The following THSD4 variants were observed in gnomAD, a reference collection of about 807,000 sequenced individuals.
THSD4 encodes the protein thrombospondin type-1 domain-containing protein 4.
THSD4 carries 69 observed loss-of-function variants against 119.0 expected under a neutral mutation model. The ratio of observed to expected loss-of-function variants is 0.58; its 90% CI spans 0.48 to 0.71. The LOEUF is 0.71. Ranked by LOEUF, THSD4 falls within the 30% of genes least tolerant of loss-of-function variation. The pLI is 0.00. For missense variants in THSD4, 1,393 were observed against 1,391.1 expected, an observed-to-expected ratio of 1.00 and a Z score of -0.02; for synonymous variants, 524 against 540.4, an observed-to-expected ratio of 0.97 and a Z score of 0.42.
At chr15:71,140,672 T>C (rs2040594268) in intron 1 of THSD4, among the ~76,000 whole-genome samples, 1 of 152,084 alleles carries the variant, frequency 6.6e-6, no homozygotes, top group South Asian at 2.1e-4. Context: ...CCTGCAGGAG[T>C]TCTTTAGACA....
chr15:71,682,888 C>G (rs755127465), intron 8 of THSD4, among the ~76,000 whole-genome samples: 1 of 7,872 alleles, frequency 1.3e-4, no homozygotes, highest in Non-Finnish European at 3.3e-4. Flanking sequence ...TTCTTTCTTT[C>G]TTTCTTTCTT....
Position 71,720,780 on chromosome 15 carries a change from C to G in THSD4, c.1358-7769C>G, listed in dbSNP as rs16953738. Among the ~76,000 whole-genome samples, 1,187 of 152,334 alleles carry G rather than the reference C, an allele frequency of 7.8e-3. 25 individuals are homozygous for G. The highest frequency in any genetic ancestry group is 0.04 in the Admixed American group (614 of 15,300). On this transcript the variant is annotated intron_variant, in intron 8 of 17. Transcript: ENST00000261862. Reference sequence around the variant, plus strand: ...CTTCTGACCTCCAGCTGGCATTGTACTGGTGGCCAATGATGTCTGACACTT... The same window carrying G: ...CTTCTGACCTCCAGCTGGCATTGTAGTGGTGGCCAATGATGTCTGACACTT...
Position 71,152,878 on chromosome 15 carries a change from T to C in THSD4, c.30-1985T>C, listed in dbSNP as rs117085993. ...ACCCCCAGCTCCCGTACTCCATGGG[T>C]ATAAGCTGTACATTTACTTTCTAGG... On this transcript the variant is annotated intron_variant, in intron 2 of 17. Coordinates refer to ENST00000261862, the MANE Select transcript of THSD4 (RefSeq NM_024817.3). 9.1e-3 allele frequency among the ~76,000 whole-genome samples: 1,379 copies of C among 152,242 alleles called. 9 individuals carry two copies. Among genetic ancestry groups the C allele is most frequent in the Middle Eastern group, 0.027 (8 of 294 alleles).
intron 7 of THSD4, among the ~76,000 whole-genome samples, chr15:71,574,588 G>A (rs2049414674): frequency 6.6e-6 from 1 of 152,066 alleles, no homozygotes; most frequent in South Asian, 2.1e-4. Flanking sequence ...ATGAAGGTGG[G>A]CATTAGGATG....
chr15:71,493,968 C>T (rs1433139842), intron 7 of THSD4, among the ~76,000 whole-genome samples: 2 of 152,166 alleles, frequency 1.3e-5, no homozygotes, highest in South Asian at 2.1e-4. Flanking sequence ...CACTAATGAG[C>T]GCATGGTTGT....
chr15:71,127,733 A>T (rs536310640), intron 1 of THSD4, among the ~76,000 whole-genome samples: 74 of 152,280 alleles, frequency 4.9e-4, no homozygotes, highest in African/African-American at 1.8e-3. Flanking sequence ...ATGTCTATTC[A>T]GGTCCTCTGC....
intron 7 of THSD4, among the ~76,000 whole-genome samples, chr15:71,506,954 A>C (rs1425588357): frequency 2.6e-5 from 4 of 152,228 alleles, no homozygotes; most frequent in South Asian, 2.1e-4. Flanking sequence ...GGCAGGGGGA[A>C]GTGGAATAGT....
intron 7 of THSD4, among the ~76,000 whole-genome samples, chr15:71,506,685 A>G (rs112643328): frequency 0.06 from 9,190 of 152,278 alleles, 651 homozygotes; most frequent in African/African-American, 0.17. Flanking sequence ...TGTATCCCAC[A>G]ATTCCATTTC....
chr15:71,366,752 G>A (rs758681384), intron 6 of THSD4, among the ~76,000 whole-genome samples: 2 of 152,152 alleles, frequency 1.3e-5, no homozygotes, highest in Non-Finnish European at 2.9e-5. Context: ...CAAGAGAACA[G>A]TACTCAACAG....
At chr15:71,664,228 C>T (rs4777433) in intron 8 of THSD4, among the ~76,000 whole-genome samples, 15,972 of 152,014 alleles carry the variant, frequency 0.11, 897 homozygotes, top group South Asian at 0.17. Context: ...GTGATCCGCC[C>T]GCCTCAGCCT....
intron 7 of THSD4, among the ~76,000 whole-genome samples, chr15:71,590,682 A>G (rs2049779241): frequency 6.6e-6 from 1 of 152,138 alleles, no homozygotes; most frequent in Non-Finnish European, 1.5e-5. Context: ...ACAAACATGC[A>G]CATCCTGCAC....
chr15:71,402,342 G>T (rs533829931), intron 6 of THSD4, among the ~76,000 whole-genome samples: 1 of 152,004 alleles, frequency 6.6e-6, no homozygotes, highest in African/African-American at 2.4e-5. Context: ...TTGTAATTTA[G>T]CTTAGATTAA....
At chr15:71,306,701 T>A (rs1226606466) in intron 6 of THSD4, among the ~76,000 whole-genome samples, 2 of 152,220 alleles carry the variant, frequency 1.3e-5, no homozygotes, top group Non-Finnish European at 2.9e-5. Context: ...GTGCTGCATA[T>A]AATCTTACCA....
chr15:71,631,131 T>G (rs568116626), intron 7 of THSD4, among the ~76,000 whole-genome samples: 2 of 152,326 alleles, frequency 1.3e-5, no homozygotes, highest in South Asian at 2.1e-4. Flanking sequence ...AGGCACAGTC[T>G]GGGTGCCCCA....
intron 7 of THSD4, among the ~76,000 whole-genome samples, chr15:71,439,245 AT>A (rs1465458957): frequency 6.6e-6 from 1 of 152,272 alleles, no homozygotes; most frequent in East Asian, 1.9e-4. Flanking sequence ...GATCATAGCA[AT>A]TTTTTAAAGT....
intron 4 of THSD4, among the ~76,000 whole-genome samples, chr15:71,225,363 T>G (rs1237534094): frequency 1.3e-5 from 2 of 152,136 alleles, no homozygotes; most frequent in African/African-American, 2.4e-5. Flanking sequence ...GGCCTGAGTT[T>G]CTACATTCAT....
At chr15:71,562,178 T>C (rs1393185705) in intron 7 of THSD4, among the ~76,000 whole-genome samples, 1 of 152,192 alleles carries the variant, frequency 6.6e-6, no homozygotes, top group Non-Finnish European at 1.5e-5. Context: ...TTCTGAGACC[T>C]TTAGGCAAGG....
intron 8 of THSD4, among the ~76,000 whole-genome samples, chr15:71,699,505 T>C (rs1024410175): frequency 1.3e-5 from 2 of 152,224 alleles, no homozygotes; most frequent in Non-Finnish European, 2.9e-5. Flanking sequence ...TTCCATTTGT[T>C]TCTCTGCATT....
chr15:71,583,851 T>C (rs897898740), intron 7 of THSD4, among the ~76,000 whole-genome samples: 1 of 152,226 alleles, frequency 6.6e-6, no homozygotes, highest in African/African-American at 2.4e-5. Context: ...AAAGATTCTA[T>C]GTGCTCTTGA....
Sources: gnomAD v4.1 joint callset for allele counts (sites outside exome capture counted in the v4.1 genomes callset) on GRCh38, gnomAD v4.1.1 for gene constraint, MANE v1.5 for transcripts, NCBI Gene and HGNC (gene_info 2026-07-23, HGNC 2026-07-21) for gene names.